CEP85L: variants seen among roughly 807,000 people sequenced by gnomAD.
CEP85L encodes centrosomal protein 85L.
CEP85L carries 60 observed loss-of-function variants against 100.3 expected under a neutral mutation model. The observed-to-expected ratio is 0.60, with a 90% confidence interval of 0.49 to 0.74. CEP85L has a LOEUF of 0.74. CEP85L is among the 30% of genes least tolerant of loss of function. The pLI is 0.00. For missense variants in CEP85L, 973 were observed against 936.2 expected, an observed-to-expected ratio of 1.04 and a Z score of -0.51; for synonymous variants, 319 against 322.7, an observed-to-expected ratio of 0.99 and a Z score of 0.12.
chr6:118,530,191 T>A (rs1777212185), intron 3 of CEP85L, among the ~76,000 whole-genome samples: 3 of 152,110 alleles, frequency 2.0e-5, no homozygotes, highest in South Asian at 4.1e-4. Context: ...CACAATCATA[T>A]TACCAACTTT....
intron 5 of CEP85L, among the ~76,000 whole-genome samples, chr6:118,492,843 AG>A (rs1343996967): frequency 2.6e-5 from 4 of 152,112 alleles, no homozygotes; most frequent in Non-Finnish European, 5.9e-5. Context: ...TAGCTAAGGG[AG>A]GGTGTTACAG....
chr6:118,500,343 A>G (rs964912185), intron 5 of CEP85L, among the ~76,000 whole-genome samples: 1 of 125,620 alleles, frequency 8.0e-6, no homozygotes, highest in Admixed American at 7.6e-5. Context: ...ACTATTTATC[A>G]TGAACGCAGG....
intron 2 of CEP85L, among the ~76,000 whole-genome samples, chr6:118,602,638 A>G (rs1290118177): frequency 6.6e-6 from 1 of 152,220 alleles, no homozygotes; most frequent in Non-Finnish European, 1.5e-5. Context: ...AGTTTTTGAA[A>G]CATAGTATTT....
chr6:118,641,725 T>C (rs1314050329), intron 1 of CEP85L, among the ~76,000 whole-genome samples: 1 of 151,934 alleles, frequency 6.6e-6, no homozygotes, highest in East Asian at 1.9e-4. Context: ...AAACCTGAAG[T>C]TGAAAAACCT....
chr6:118,502,585 T>A, intron 5 of CEP85L: 2 of 476,164 alleles, frequency 4.2e-6, no homozygotes, highest in Non-Finnish European at 7.8e-6. Context: ...GGCGCTCCGG[T>A]TGAAGTTTTT....
chr6:118,572,125 G>A (rs1779926764), intron 2 of CEP85L, among the ~76,000 whole-genome samples: 1 of 151,892 alleles, frequency 6.6e-6, no homozygotes. Flanking sequence ...CAAAGTGCTG[G>A]GATTACAGGC....
intron 2 of CEP85L, among the ~76,000 whole-genome samples, chr6:118,614,149 GA>G (rs1231228112): frequency 2.0e-5 from 3 of 151,914 alleles, no homozygotes; most frequent in Admixed American, 6.6e-5. Context: ...ATTCATTGAG[GA>G]AAAAAAATTG....
At chr6:118,651,636 AG>A (rs1056050477), upstream of CEP85L, 2 of 943,398 alleles carry the variant, frequency 2.1e-6, no homozygotes, top group African/African-American at 4.6e-5. Context: ...TGGGGCCGCG[AG>A]GGGGCGGGGC....
At chr6:118,611,536 A>C (rs1772613378) in intron 2 of CEP85L, among the ~76,000 whole-genome samples, 1 of 152,200 alleles carries the variant, frequency 6.6e-6, no homozygotes, top group Non-Finnish European at 1.5e-5. Context: ...TAAATGGTCT[A>C]AATATACCAA....
At chr6:118,527,887 A>G (rs939737331) in intron 3 of CEP85L, among the ~76,000 whole-genome samples, 1 of 152,128 alleles carries the variant, frequency 6.6e-6, no homozygotes, top group African/African-American at 2.4e-5. Flanking sequence ...GTTTTTGTAT[A>G]TTATATTATT....
At chr6:118,657,781 A>G (rs1404735890) in intron 1 of CEP85L, among the ~76,000 whole-genome samples, 2 of 152,358 alleles carry the variant, frequency 1.3e-5, no homozygotes, top group Admixed American at 1.3e-4. Context: ...TCCAGGAGCA[A>G]ATTACAAACT....
At chr6:118,583,082 C>T (rs770760060) in intron 2 of CEP85L, among the ~76,000 whole-genome samples, 7 of 152,214 alleles carry the variant, frequency 4.6e-5, no homozygotes, top group Non-Finnish European at 1.0e-4. Context: ...GACGAAGCCA[C>T]CTTGACCCTG....
At position 118,479,882 on chromosome 6, in the gene CEP85L, A is replaced by C. The variant is rs1385707174; in HGVS notation, c.1903T>G (p.Leu635Val). 6.0e-6 allele frequency: 9 copies of C among 1,495,214 alleles called. No individual in the cohort carries two copies. Among genetic ancestry groups the C allele is most frequent in the Non-Finnish European group, 8.2e-6 (9 of 1,093,858 alleles). The allele number at this position is 1,495,214 out of a possible 1,614,324, so 92.6% of individuals were successfully genotyped here. ...SQQDEIDRMI[L>V]EIQSMQGKLS... ...AAAATATTCCTTACCTGAATTTCTA[A>C]AATCATTCTGTCAATCTCATCTTGT... Residue 635 changes from leucine (L) to valine (V), a missense_variant, in exon 10 of 13, where the codon TTA becomes GTA. Around this residue, in one of 3 missense-constraint regions of CEP85L, gnomAD observed 890 missense variants for 844.5 expected, o/e 1.05. Coordinates refer to ENST00000368491, the MANE Select transcript of CEP85L (RefSeq NM_001042475.3).
Position 118,566,107 on chromosome 6 carries a change from T to G in CEP85L, c.442A>C (p.Lys148Gln). 1 of 1,614,162 alleles carries G rather than the reference T, an allele frequency of 6.2e-7. No individual in the cohort carries two copies. The highest frequency in any genetic ancestry group is 1.1e-5 in the South Asian group (1 of 91,078). The part of the protein sequence containing the change: ...RGEQDSSLDM[K>Q]DFRPLRKWSS... ...CATTTCCGAAGTGGCCGGAAGTCCT[T>G]CATGTCTAGGGAAGAGTCCTGCTCC... The change falls in exon 3 of 13, where the codon AAG (lysine) becomes CAG (glutamine). Residue 148 changes from lysine (K) to glutamine (Q), a missense_variant. This residue lies in a region of CEP85L where 890 missense variants were observed against 844.5 expected (regional missense o/e 1.05). Transcript: ENST00000368491.
At chr6:118,545,066 T>G (rs1055912454) in intron 3 of CEP85L, among the ~76,000 whole-genome samples, 3 of 152,214 alleles carry the variant, frequency 2.0e-5, no homozygotes, top group Non-Finnish European at 4.4e-5. Flanking sequence ...TTATCTTTGA[T>G]GTATTGTGAA....
intron 3 of CEP85L, among the ~76,000 whole-genome samples, chr6:118,552,221 G>T (rs979580033): frequency 4.6e-5 from 7 of 151,896 alleles, no homozygotes; most frequent in Admixed American, 4.6e-4. Flanking sequence ...AAGGAGAAAA[G>T]CAAAATTCTA....
chr6:118,626,956 T>G (rs1002295010), intron 2 of CEP85L, among the ~76,000 whole-genome samples: 1 of 152,118 alleles, frequency 6.6e-6, no homozygotes. Context: ...TCCCAGCAGT[T>G]TGAGAGGCCA....
intron 10 of CEP85L, among the ~76,000 whole-genome samples, chr6:118,472,063 TCG>T (rs1197233734): frequency 1.3e-5 from 2 of 151,554 alleles, no homozygotes; most frequent in African/African-American, 4.8e-5. Context: ...AAAACTAAAC[TCG>T]AGGGGTGTTT....
chr6:118,494,075 GA>G lies in CEP85L; in HGVS notation c.1258-2211del, dbSNP rs973282525. Among the ~76,000 whole-genome samples, 11 of 152,126 alleles carry G rather than the reference GA, an allele frequency of 7.2e-5. No individual in the cohort carries two copies. The East Asian group carries it at 2.1e-3, about 29-fold the overall frequency. Reference sequence around the variant, plus strand: ...GGGCAAACTGCTGCCTCCAAAACTGGAAAAAAAGGATAGGTAGAAACAGAGG... The same window carrying G: ...GGGCAAACTGCTGCCTCCAAAACTGGAAAAAAGGATAGGTAGAAACAGAGG... On this transcript the variant is annotated intron_variant, in intron 5 of 12. Transcript: ENST00000368491.
Sources: gnomAD v4.1 joint callset for allele counts (sites outside exome capture counted in the v4.1 genomes callset) on GRCh38, gnomAD v4.1.1 for gene constraint, gnomAD v4.1.1 regional missense constraint, MANE v1.5 for transcripts, NCBI Gene and HGNC (gene_info 2026-07-23, HGNC 2026-07-21) for gene names.